TBX15: variants seen among roughly 807,000 people sequenced by gnomAD.
TBX15 encodes the protein T-box transcription factor TBX15.
Under a neutral mutation model 53.9 loss-of-function variants are expected in TBX15, and 18 were observed. The ratio of observed to expected loss-of-function variants is 0.33; its 90% CI spans 0.23 to 0.49. The LOEUF is 0.49. TBX15 is among the 20% of genes least tolerant of loss of function. TBX15 has a pLI of 0.98. For missense variants in TBX15, 692 were observed against 749.5 expected, an observed-to-expected ratio of 0.92 and a Z score of 0.90; for synonymous variants, 295 against 278.0, an observed-to-expected ratio of 1.06 and a Z score of -0.61.
At chr1:118,923,318 A>G (rs1655486577) in intron 5 of TBX15, 118 bp downstream of exon 5, 2 of 1,287,638 alleles carry the variant, frequency 1.6e-6, no homozygotes, top group Non-Finnish European at 2.2e-6. Context: ...CTTAACATTT[A>G]GTGGACTAAG....
chr1:118,975,995 C>T (rs1168892407), intron 1 of TBX15, among the ~76,000 whole-genome samples: 3 of 152,188 alleles, frequency 2.0e-5, no homozygotes, highest in Non-Finnish European at 4.4e-5. Flanking sequence ...GATCTCTTCT[C>T]TGTTCCTCTT....
Position 118,952,935 on chromosome 1 carries a change from A to G in TBX15, c.206-21103T>C, listed in dbSNP as rs530314943. On this transcript the variant is annotated intron_variant, in intron 1 of 7. Transcript: ENST00000369429. Reference sequence around the variant, plus strand: ...AGCACTTGAAGGAATGGTGCATCTCATATTTAGATCCACCCACAGCTCAGG... The same window carrying G: ...AGCACTTGAAGGAATGGTGCATCTCGTATTTAGATCCACCCACAGCTCAGG... Among the ~76,000 whole-genome samples the G allele has an allele frequency of 6.1e-4, 93 of 152,284 alleles. 1 individual carries two copies. In the South Asian group the frequency reaches 0.018, roughly 30 times the overall value.
At chr1:118,983,414 C>T (rs559722178) in intron 1 of TBX15, among the ~76,000 whole-genome samples, 6 of 152,308 alleles carry the variant, frequency 3.9e-5, no homozygotes, top group African/African-American at 9.6e-5. Flanking sequence ...TAACCATCCC[C>T]GCTGCCCGGG....
intron 7 of TBX15, among the ~76,000 whole-genome samples, chr1:118,894,345 A>G (rs1654318067): frequency 6.6e-6 from 1 of 152,112 alleles, no homozygotes; most frequent in Non-Finnish European, 1.5e-5. Flanking sequence ...TGTTATCCCT[A>G]TTTTAGAGGT....
intron 1 of TBX15, among the ~76,000 whole-genome samples, chr1:118,935,852 T>C (rs1441252203): frequency 6.6e-6 from 1 of 152,190 alleles, no homozygotes; most frequent in Admixed American, 6.5e-5. Context: ...TGTCTTCCCA[T>C]TGATAAGATA....
At chr1:118,890,361 G>T (rs1399453965) in intron 7 of TBX15, among the ~76,000 whole-genome samples, 1 of 152,076 alleles carries the variant, frequency 6.6e-6, no homozygotes. Context: ...ATCCTTAGAG[G>T]TCTTAATTCA....
In TBX15 at chr1:118,958,636, A is replaced by G. The variant is rs1656770697; in HGVS notation, c.206-26804T>C. On this transcript the variant is annotated intron_variant, in intron 1 of 7. Transcript: ENST00000369429. ...CCTAACAAACACAGTCTATGACTCC[A>G]TTCCCACCACAATATCCTTCCATAT... 1.3e-5 allele frequency among the ~76,000 whole-genome samples: 2 copies of G among 152,130 alleles called. 1 individual carries two copies. Among genetic ancestry groups the G allele is most frequent in the Non-Finnish European group, 2.9e-5 (2 of 68,030 alleles).
intron 1 of TBX15, among the ~76,000 whole-genome samples, chr1:118,935,437 T>G (rs1364139597): frequency 1.3e-5 from 2 of 152,200 alleles, no homozygotes; most frequent in African/African-American, 4.8e-5. Flanking sequence ...TAGGAACTCA[T>G]ATGAATGATG....
At chr1:118,915,544 G>A (rs1655189202) in intron 5 of TBX15, among the ~76,000 whole-genome samples, 1 of 152,170 alleles carries the variant, frequency 6.6e-6, no homozygotes, top group African/African-American at 2.4e-5. Context: ...AATTTTACAT[G>A]TATTTTATAG....
chr1:118,955,336 G>T (rs191512850), intron 1 of TBX15, among the ~76,000 whole-genome samples: 2 of 152,188 alleles, frequency 1.3e-5, no homozygotes, highest in East Asian at 1.9e-4. Flanking sequence ...ACCACCCAAG[G>T]TTATAAGATT....
chr1:118,955,168 T>C (rs1274078377), intron 1 of TBX15, among the ~76,000 whole-genome samples: 1 of 152,180 alleles, frequency 6.6e-6, no homozygotes, highest in African/African-American at 2.4e-5. Context: ...TTTATTTTTA[T>C]CTAAAAGGGG....
At chr1:118,887,240 C>T (rs1653975849) in intron 7 of TBX15, among the ~76,000 whole-genome samples, 1 of 152,146 alleles carries the variant, frequency 6.6e-6, no homozygotes, top group Non-Finnish European at 1.5e-5. Flanking sequence ...AGCTGTGATT[C>T]CCCCAAGGAA....
At chr1:118,887,026 C>T (rs573463013) in intron 7 of TBX15, among the ~76,000 whole-genome samples, 38 of 152,354 alleles carry the variant, frequency 2.5e-4, no homozygotes, top group African/African-American at 8.9e-4. Context: ...TACGAGCCTC[C>T]TCTTTCCCAA....
At chr1:118,952,910 A>G (rs971212212) in intron 1 of TBX15, among the ~76,000 whole-genome samples, 17 of 152,206 alleles carry the variant, frequency 1.1e-4, no homozygotes, top group African/African-American at 3.9e-4. Context: ...AAGTGCCTTT[A>G]GCACTTGAAG....
chr1:118,953,278 T>C (rs1261661095), intron 1 of TBX15, among the ~76,000 whole-genome samples: 3 of 152,320 alleles, frequency 2.0e-5, no homozygotes, highest in South Asian at 2.1e-4. Context: ...TTATAACACC[T>C]GACTTAGCCA....
intron 7 of TBX15, among the ~76,000 whole-genome samples, chr1:118,898,124 G>A (rs1654491112): frequency 6.6e-6 from 1 of 152,182 alleles, no homozygotes; most frequent in Non-Finnish European, 1.5e-5. Context: ...CTGGGTGTCA[G>A]AAAAGTTGAG....
intron 1 of TBX15, among the ~76,000 whole-genome samples, chr1:118,980,879 TTGGAG>T (rs1368709607): frequency 6.6e-6 from 1 of 152,008 alleles, no homozygotes; most frequent in Non-Finnish European, 1.5e-5. Flanking sequence ...GTCACCCAGG[TTGGAG>T]TGCAGTGGCA....
At chr1:118,921,989 C>T (rs1655439264) in intron 5 of TBX15, among the ~76,000 whole-genome samples, 1 of 152,192 alleles carries the variant, frequency 6.6e-6, no homozygotes, top group African/African-American at 2.4e-5. Flanking sequence ...TAGGTAACAG[C>T]TCTGACCTAC....
intron 7 of TBX15, among the ~76,000 whole-genome samples, chr1:118,891,151 T>C (rs1377249047): frequency 6.6e-6 from 1 of 152,172 alleles, no homozygotes; most frequent in Non-Finnish European, 1.5e-5. Flanking sequence ...ATTGCGTGGT[T>C]TCAATCTTAG....
Sources: gnomAD v4.1 joint callset for allele counts (sites outside exome capture counted in the v4.1 genomes callset) on GRCh38, gnomAD v4.1.1 for gene constraint, MANE v1.5 for transcripts, NCBI Gene and HGNC (gene_info 2026-07-23, HGNC 2026-07-21) for gene names.